The following USP32 variants were observed in gnomAD, a reference collection of about 807,000 sequenced individuals.
USP32 encodes the protein ubiquitin carboxyl-terminal hydrolase 32.
Under a neutral mutation model 204.8 loss-of-function variants are expected in USP32, and 59 were observed. The observed-to-expected ratio is 0.29, with a 90% CI of 0.23 to 0.36. USP32 has a LOEUF of 0.36. USP32 is among the 10% of genes least tolerant of loss of function. The pLI, the probability that USP32 is intolerant of heterozygous loss-of-function variation, is 1.00. For missense variants in USP32, 1,160 were observed against 1,946.4 expected (o/e 0.60, Z 7.60); for synonymous variants, 517 against 678.4 (o/e 0.76, Z 3.70).
intron 10 of USP32, among the ~76,000 whole-genome samples, chr17:60,254,030 C>T (rs969093351): frequency 2.6e-5 from 4 of 152,088 alleles, no homozygotes; most frequent in Admixed American, 6.5e-5. Flanking sequence ...CCAACACAGA[C>T]GTGTTGCAGA....
At chr17:60,350,696 C>G (rs1163657182) in intron 1 of USP32, among the ~76,000 whole-genome samples, 1 of 151,758 alleles carries the variant, frequency 6.6e-6, no homozygotes, top group Non-Finnish European at 1.5e-5. Flanking sequence ...AATCTTCTCT[C>G]TCTCCCTCTA....
chr17:60,222,546 T>C lies in USP32; in HGVS notation c.1612A>G (p.Thr538Ala). Reference protein sequence around the residue: ...PLVTQEPVKATSLTLEGGRLK... With the variant: ...PLVTQEPVKAASLTLEGGRLK... ...CGTCCTCCTTCTAGTGTTAATGATG[T>C]AGCCTGAGAAAGAATAGAATGACAA... is the stretch of plus-strand genomic sequence containing the variant. Residue 538 changes from threonine to alanine, a missense_variant, in exon 15 of 34, where the codon ACA becomes GCA. Coordinates refer to ENST00000300896, the MANE Select transcript of USP32 (RefSeq NM_032582.4). The C allele has an allele frequency of 2.5e-6, 4 of 1,613,572 alleles. No homozygotes were observed. The highest frequency in any genetic ancestry group is 3.4e-6 in the Non-Finnish European group (4 of 1,179,776).
intron 2 of USP32, among the ~76,000 whole-genome samples, chr17:60,333,297 T>C (rs1222014689): frequency 1.3e-5 from 2 of 152,002 alleles, no homozygotes; most frequent in Admixed American, 6.6e-5. Context: ...AGAAGAAAAA[T>C]GTTATTAAGA....
At chr17:60,349,599 ATATATATATATATATATATATAT>A (rs1567867171) in intron 1 of USP32, among the ~76,000 whole-genome samples, 42 of 42,790 alleles carry the variant, frequency 9.8e-4, no homozygotes, top group Middle Eastern at 0.019. Flanking sequence ...AAAAAAAAAT[ATATATATATATATATATATATAT>A]ATTATATATA....
chr17:60,225,891 T>C, intron 13 of USP32, 148 bp downstream of exon 13: 3 of 760,218 alleles, frequency 3.9e-6, no homozygotes, highest in South Asian at 2.3e-5. Flanking sequence ...AAGGTGGAGG[T>C]TGCAGTGAGC....
chr17:60,274,235 G>GCAATA (rs1292329537), intron 5 of USP32, among the ~76,000 whole-genome samples: 1 of 152,206 alleles, frequency 6.6e-6, no homozygotes, highest in East Asian at 1.9e-4. Context: ...TGAGCTTGAA[G>GCAATA]GACAGGCAAT....
At chr17:60,379,582 G>A (rs1209879952) in intron 1 of USP32, among the ~76,000 whole-genome samples, 1 of 152,138 alleles carries the variant, frequency 6.6e-6, no homozygotes, top group Non-Finnish European at 1.5e-5. Flanking sequence ...AAATTACAGT[G>A]TAACCTACAA....
intron 6 of USP32, among the ~76,000 whole-genome samples, chr17:60,270,981 A>T (rs557044788): frequency 6.6e-6 from 1 of 152,306 alleles, no homozygotes; most frequent in African/African-American, 2.4e-5. Flanking sequence ...ACCCTACTGG[A>T]GGAAGAGACG....
At chr17:60,352,230 G>C (rs76642134) in intron 1 of USP32, among the ~76,000 whole-genome samples, 1 of 152,144 alleles carries the variant, frequency 6.6e-6, no homozygotes, top group African/African-American at 2.4e-5. Flanking sequence ...CTCCATGAAG[G>C]CTTCTTAAAA....
chr17:60,248,512 C>G (rs2086092004), intron 11 of USP32, among the ~76,000 whole-genome samples: 1 of 152,094 alleles, frequency 6.6e-6, no homozygotes, highest in Non-Finnish European at 1.5e-5. Flanking sequence ...TGATCATGTT[C>G]CAACTTCTGT....
chr17:60,291,537 A>ATGTGTGTGTGTGTGTGTG (rs58874239), intron 4 of USP32, among the ~76,000 whole-genome samples: 4 of 145,234 alleles, frequency 2.8e-5, no homozygotes, highest in African/African-American at 7.5e-5. Flanking sequence ...CTGTGTGTGT[A>ATGTGTGTGTGTGTGTGTG]TGTGTGTGTG....
rs560557294 is a variant in USP32, at chr17:60,281,565, C to T, written c.571+6958G>A. Among the ~76,000 whole-genome samples, 12 of 151,512 alleles carry T rather than the reference C, an allele frequency of 7.9e-5. No homozygotes were observed. The East Asian group carries it at 1.2e-3, about 15-fold the overall frequency. ...AAAAAAAAAAATGCTGTATACCAGACGCAGGCTGAGTCCTTTTATTAATAA... is the reference window on the plus strand; with the variant it reads ...AAAAAAAAAAATGCTGTATACCAGATGCAGGCTGAGTCCTTTTATTAATAA... On this transcript the variant is annotated intron_variant, in intron 5 of 33. Coordinates refer to ENST00000300896, the MANE Select transcript of USP32 (RefSeq NM_032582.4).
intron 3 of USP32, among the ~76,000 whole-genome samples, chr17:60,295,864 A>G (rs967840810): frequency 1.4e-4 from 22 of 152,346 alleles, no homozygotes; most frequent in African/African-American, 4.3e-4. Context: ...GGGACTATCT[A>G]TGGTTTCAGA....
rs138519855 is a variant in USP32, at chr17:60,400,057, C to G, written c.106+22189G>C. Among the ~76,000 whole-genome samples the G allele has an allele frequency of 9.1e-4, 136 of 150,116 alleles. 2 individuals are homozygous for G. Among genetic ancestry groups the G allele is most frequent in the Non-Finnish European group, 9.1e-4 (61 of 67,102 alleles). On this transcript the variant is annotated intron_variant, in intron 1 of 3. Transcript: ENST00000588898. ...TCGGCTCACTGCAACCTCCACCTCC[C>G]AGGTTCAAGCAATTTTCCCATCTCA...
At chr17:60,266,305 T>C (rs553983734) in intron 7 of USP32, among the ~76,000 whole-genome samples, 5 of 152,312 alleles carry the variant, frequency 3.3e-5, no homozygotes, top group African/African-American at 1.2e-4. Context: ...CTCTAAATCA[T>C]TATTCAGATA....
At chr17:60,261,644 A>G (rs901286995) in intron 9 of USP32, among the ~76,000 whole-genome samples, 2 of 152,028 alleles carry the variant, frequency 1.3e-5, no homozygotes, top group African/African-American at 4.8e-5. Flanking sequence ...AGACTATCTC[A>G]AAAAAACAAA....
At chr17:60,349,624 T>TACA (rs1491225872) in intron 1 of USP32, among the ~76,000 whole-genome samples, 2 of 60,298 alleles carry the variant, frequency 3.3e-5, no homozygotes, top group African/African-American at 2.4e-4. Context: ...TATATATATA[T>TACA]TATATATATA....
intron 11 of USP32, among the ~76,000 whole-genome samples, chr17:60,248,875 T>G (rs903521216): frequency 6.6e-6 from 1 of 152,202 alleles, no homozygotes; most frequent in Non-Finnish European, 1.5e-5. Flanking sequence ...CCTGTTTTAT[T>G]CCATGTCTCA....
chr17:60,421,259 G>GACA, intron 1 of USP32: 2 of 690,446 alleles, frequency 2.9e-6, no homozygotes, highest in South Asian at 1.3e-4. Flanking sequence ...CAACAACAAC[G>GACA]ACAACAATAA....
Sources: allele counts gnomAD v4.1 joint callset (sites outside exome capture counted in the v4.1 genomes callset), GRCh38; gene constraint gnomAD v4.1.1; transcripts MANE v1.5; gene names NCBI Gene and HGNC (gene_info 2026-07-23, HGNC 2026-07-21).